The following ADRA1B variants were observed in gnomAD, a reference collection of about 807,000 sequenced individuals.
ADRA1B encodes alpha-1B adrenergic receptor.
Under a neutral mutation model 17.9 loss-of-function variants are expected in ADRA1B, and 17 were observed. The observed-to-expected ratio is 0.95, with a 90% CI of 0.65 to 1.42. The LOEUF (loss-of-function observed/expected upper bound fraction) is 1.42, where lower values mean the gene tolerates loss of function less well. Among genes scored for constraint, ADRA1B ranks in the 40% most tolerant of loss-of-function variants. ADRA1B has a pLI of 0.00. For missense variants in ADRA1B, 681 were observed against 722.1 expected (o/e 0.94, Z 0.65); for synonymous variants, 366 against 327.6 (o/e 1.12, Z -1.27).
chr5:159,969,183 C>T (rs1241888851), intron 1 of ADRA1B, among the ~76,000 whole-genome samples: 2 of 152,190 alleles, frequency 1.3e-5, no homozygotes, highest in Admixed American at 6.5e-5. Context: ...AGCCCACTGC[C>T]TCATTTCCCC....
At chr5:159,957,260 T>C (rs1755572179) in intron 1 of ADRA1B, among the ~76,000 whole-genome samples, 1 of 152,114 alleles carries the variant, frequency 6.6e-6, no homozygotes, top group Non-Finnish European at 1.5e-5. Flanking sequence ...TCCCAGCACT[T>C]TGAAAGACTG....
At chr5:159,891,475 G>A (rs1053162256) in intron 1 of ADRA1B, among the ~76,000 whole-genome samples, 1 of 152,084 alleles carries the variant, frequency 6.6e-6, no homozygotes, top group African/African-American at 2.4e-5. Flanking sequence ...GGTTGATGGG[G>A]GAGGGTAAGA....
At chr5:159,939,170 A>G (rs965227302) in intron 1 of ADRA1B, among the ~76,000 whole-genome samples, 17 of 151,906 alleles carry the variant, frequency 1.1e-4, no homozygotes, top group Admixed American at 3.3e-4. Flanking sequence ...GAATAAACAT[A>G]GAACTCAGAG....
At position 159,972,372 on chromosome 5, in the gene ADRA1B, G is replaced by A. The variant is rs920678764; in HGVS notation, c.1443G>A (p.Glu481=). 33 of 1,512,308 alleles carry A rather than the reference G, an allele frequency of 2.2e-5. No homozygotes were observed. The African/African-American group carries it at 4.3e-4, about 20-fold the overall frequency. The allele number at this position is 1,512,308 out of a possible 1,614,324, so 93.7% of individuals were successfully genotyped here. A position where few individuals can be genotyped will look rare whatever the true frequency, so the allele number is the denominator to read the frequency against. The change falls in exon 2 of 2, where the codon GAG becomes GAA. Residue 481 remains glutamate, a synonymous_variant. Transcript: ENST00000306675. Reference sequence around the variant, plus strand: ...TCTTCACCTTCAAGCTCCTGACCGAGCCCGAGAGCCCCGGGACCGACGGCG... The same window carrying A: ...TCTTCACCTTCAAGCTCCTGACCGAACCCGAGAGCCCCGGGACCGACGGCG... ...GPLFTFKLLT[E]PESPGTDGGA...
chr5:159,924,730 T>C (rs999879468), intron 1 of ADRA1B, among the ~76,000 whole-genome samples: 2 of 151,976 alleles, frequency 1.3e-5, no homozygotes, highest in East Asian at 3.9e-4. Flanking sequence ...AGATATGTTA[T>C]GCAGGAAATG....
At chr5:159,911,831 C>G (rs147132899), upstream of ADRA1B, among the ~76,000 whole-genome samples, 7 of 152,292 alleles carry the variant, frequency 4.6e-5, no homozygotes, top group East Asian at 1.4e-3. Context: ...CGAGTCCCCA[C>G]AGACCCTAGT....
chr5:159,932,987 AT>A (rs2113205254), intron 1 of ADRA1B, among the ~76,000 whole-genome samples: 1 of 152,330 alleles, frequency 6.6e-6, no homozygotes, highest in Admixed American at 6.5e-5. Flanking sequence ...TATCTGTAAA[AT>A]TTTGTAAGTG....
downstream of ADRA1B, among the ~76,000 whole-genome samples, chr5:159,976,279 T>G (rs925744491): frequency 3.9e-5 from 6 of 152,134 alleles, no homozygotes; most frequent in African/African-American, 1.4e-4. Context: ...ACAAAACAAT[T>G]CAGGTTTTTT....
chr5:159,939,322 T>TGTGC (rs1554090928), intron 1 of ADRA1B, among the ~76,000 whole-genome samples: 23 of 107,664 alleles, frequency 2.1e-4, no homozygotes, highest in East Asian at 3.2e-4. Flanking sequence ...TGTGTGTGTG[T>TGTGC]GCGCGCGCGC....
intron 1 of ADRA1B, among the ~76,000 whole-genome samples, chr5:159,961,899 A>G (rs917725326): frequency 6.6e-6 from 1 of 152,198 alleles, no homozygotes; most frequent in Non-Finnish European, 1.5e-5. Context: ...GAGCCTGCTC[A>G]TTGCCTCATT....
At position 159,950,015 on chromosome 5, in the gene ADRA1B, C is replaced by T. The variant is rs151048112; in HGVS notation, c.950-21864C>T. Among the ~76,000 whole-genome samples, 128 of 152,306 alleles carry T rather than the reference C, an allele frequency of 8.4e-4. 1 individual carries two copies. Among genetic ancestry groups the T allele is most frequent in the African/African-American group, 2.9e-3 (122 of 41,578 alleles). On this transcript the variant is annotated intron_variant, in intron 1 of 1. Transcript: ENST00000306675. Reference sequence around the variant, plus strand: ...GAAGAGAGAGTGAGGTCCAGGGCCTCGCCTGTCCATCTGCTCTGAATGCTG... The same window carrying T: ...GAAGAGAGAGTGAGGTCCAGGGCCTTGCCTGTCCATCTGCTCTGAATGCTG...
At chr5:159,977,234 G>T (rs559049608), downstream of ADRA1B, among the ~76,000 whole-genome samples, 22 of 152,220 alleles carry the variant, frequency 1.4e-4, no homozygotes, top group South Asian at 4.2e-3. Context: ...AACAAATATG[G>T]CTTCCTCAAT....
In ADRA1B at chr5:159,972,021, G is replaced by A. The variant is rs1157096968; in HGVS notation, c.1092G>A (p.Gly364=). The A allele has an allele frequency of 1.4e-6, 2 of 1,444,212 alleles. No individual in the cohort carries two copies. Among genetic ancestry groups the A allele is most frequent in the East Asian group, 2.7e-5 (1 of 36,652 alleles). The allele number at this position is 1,444,212 out of a possible 1,614,324, so 89.5% of individuals were successfully genotyped here. A position where few individuals can be genotyped will look rare whatever the true frequency, so the allele number is the denominator to read the frequency against. Residue 364 remains glycine, a synonymous_variant, in exon 2 of 2, where the codon GGG becomes GGA. Coordinates refer to ENST00000306675, the MANE Select transcript of ADRA1B (RefSeq NM_000679.4). ...AGCGCGCTTTCGTGCGCATCCTCGG[G>A]TGCCAGTGCCGCGGCCGCGGCCGCC... The part of the protein sequence containing the change: ...EFKRAFVRIL[G]CQCRGRGRRR...
intron 1 of ADRA1B, among the ~76,000 whole-genome samples, chr5:159,945,186 C>T (rs901036978): frequency 1.3e-5 from 2 of 152,058 alleles, no homozygotes; most frequent in Admixed American, 6.6e-5. Flanking sequence ...AGCAGTCTGG[C>T]CAACGTGGTG....
At chr5:159,942,642 T>G (rs1015286282) in intron 1 of ADRA1B, among the ~76,000 whole-genome samples, 1 of 152,080 alleles carries the variant, frequency 6.6e-6, no homozygotes, top group Non-Finnish European at 1.5e-5. Flanking sequence ...GAGACCCTCA[T>G]CTCTACAAAC....
intron 1 of ADRA1B, among the ~76,000 whole-genome samples, chr5:159,873,851 A>AT (rs914534212): frequency 7.2e-5 from 11 of 152,088 alleles, no homozygotes; most frequent in Non-Finnish European, 1.6e-4. Flanking sequence ...GCACTCCATC[A>AT]TTTTTTTTGA....
At chr5:159,908,753 A>G (rs1259642389) in intron 1 of ADRA1B, among the ~76,000 whole-genome samples, 1 of 152,234 alleles carries the variant, frequency 6.6e-6, no homozygotes, top group Non-Finnish European at 1.5e-5. Flanking sequence ...TTCACTTGGC[A>G]CAATGCTGCA....
intron 1 of ADRA1B, among the ~76,000 whole-genome samples, chr5:159,897,311 C>A (rs150268801): frequency 2.0e-5 from 3 of 152,060 alleles, no homozygotes; most frequent in African/African-American, 7.2e-5. Flanking sequence ...TATGGTGAAA[C>A]CCCGTCTCTA....
chr5:159,989,051 C>A, the ADRA1B span, among the ~76,000 whole-genome samples: 1 of 152,194 alleles, frequency 6.6e-6, no homozygotes, highest in Non-Finnish European at 1.5e-5. Context: ...TTGAGGAACT[C>A]CAATACTGTT....
Sources: allele counts gnomAD v4.1 joint callset (sites outside exome capture counted in the v4.1 genomes callset), GRCh38; gene constraint gnomAD v4.1.1; transcripts MANE v1.5; gene names NCBI Gene and HGNC (gene_info 2026-07-23, HGNC 2026-07-21).